Variants in ARHGEF7 observed in about 807,000 individuals in gnomAD.
ARHGEF7 encodes Rho guanine nucleotide exchange factor 7, also known as PAK-interacting exchange factor beta.
A neutral mutation model predicts 109.8 loss-of-function variants in ARHGEF7; 33 were observed. The ratio of observed to expected loss-of-function variants is 0.30; its 90% CI spans 0.23 to 0.40. ARHGEF7 has a LOEUF of 0.40. Ranked by LOEUF, ARHGEF7 falls within the 10% of genes least tolerant of loss-of-function variation. The probability of loss-of-function intolerance (pLI) is 1.00; values close to 1 mark genes in which losing one functional copy is unlikely to be tolerated. For synonymous variants in ARHGEF7, 458 were observed against 424.6 expected, an observed-to-expected ratio of 1.08 and a Z score of -0.97; for missense variants, 938 against 1,098.5, an observed-to-expected ratio of 0.85 and a Z score of 2.07.
chr13:111,155,422 T>G (rs377450121), intron 2 of ARHGEF7, among the ~76,000 whole-genome samples: 2 of 152,314 alleles, frequency 1.3e-5, no homozygotes, highest in East Asian at 3.9e-4. Flanking sequence ...CACAAAGAAA[T>G]TTATTGTTGG....
chr13:111,249,525 C>T (rs2089438966), intron 8 of ARHGEF7, among the ~76,000 whole-genome samples: 2 of 151,990 alleles, frequency 1.3e-5, no homozygotes, highest in South Asian at 4.2e-4. Flanking sequence ...CCTCAGTAAG[C>T]CTGCATTTTA....
chr13:111,241,482 G>A, intron 6 of ARHGEF7: 1 of 793,078 alleles, frequency 1.3e-6, no homozygotes, highest in Admixed American at 2.7e-5. Context: ...TGTTTGGTTG[G>A]GAGTAATACA....
intron 19 of ARHGEF7, chr13:111,293,971 G>A: frequency 1.0e-6 from 1 of 985,378 alleles, no homozygotes; most frequent in South Asian, 4.7e-5. Context: ...CAAGCTAATG[G>A]CACAGGAGAC....
intron 5 of ARHGEF7, 42 bp from the exon 6 acceptor site, chr13:111,233,163 T>C: frequency 3.3e-6 from 5 of 1,534,798 alleles, no homozygotes; most frequent in East Asian, 2.2e-5. Context: ...TTTTGTCATC[T>C]TTAGTACTGA....
intron 2 of ARHGEF7, among the ~76,000 whole-genome samples, chr13:111,163,655 C>A (rs915729322): frequency 6.6e-6 from 1 of 152,062 alleles, no homozygotes; most frequent in Admixed American, 6.5e-5. Context: ...GCCCCCACCC[C>A]ACCAAGTACC....
intron 8 of ARHGEF7, among the ~76,000 whole-genome samples, chr13:111,263,552 A>G (rs578215521): frequency 1.3e-5 from 2 of 152,340 alleles, no homozygotes; most frequent in Admixed American, 6.5e-5. Context: ...TATTTCTGCA[A>G]TCCTAAGAAT....
chr13:111,276,683 A>G (rs186037136), intron 12 of ARHGEF7, among the ~76,000 whole-genome samples: 256 of 152,300 alleles, frequency 1.7e-3, no homozygotes, highest in Admixed American at 4.4e-3. Context: ...AATGTTCCCA[A>G]TGTATGTTGT....
chr13:111,260,423 A>T (rs1369073901), intron 8 of ARHGEF7, among the ~76,000 whole-genome samples: 1 of 152,254 alleles, frequency 6.6e-6, no homozygotes, highest in Non-Finnish European at 1.5e-5. Flanking sequence ...CAGACTTCTC[A>T]GTGGAAAGCT....
chr13:111,176,209 G>A (rs1594313864), intron 2 of ARHGEF7, among the ~76,000 whole-genome samples: 1 of 152,216 alleles, frequency 6.6e-6, no homozygotes, highest in Non-Finnish European at 1.5e-5. Flanking sequence ...GTGGATTTTA[G>A]TCTAATGATG....
At chr13:111,183,339 G>A (rs966761994) in intron 2 of ARHGEF7, among the ~76,000 whole-genome samples, 2 of 150,332 alleles carry the variant, frequency 1.3e-5, no homozygotes, top group East Asian at 1.9e-4. Flanking sequence ...GGGAGTATTG[G>A]CACCTTTTTT....
chr13:111,302,502 A>G (rs2093591840), intron 21 of ARHGEF7, among the ~76,000 whole-genome samples: 1 of 152,050 alleles, frequency 6.6e-6, no homozygotes, highest in Admixed American at 6.5e-5. Context: ...TTCCATGTTC[A>G]CGCTTTGCCC....
intron 4 of ARHGEF7, among the ~76,000 whole-genome samples, chr13:111,214,259 A>G (rs963799456): frequency 6.6e-6 from 1 of 152,222 alleles, no homozygotes; most frequent in Non-Finnish European, 1.5e-5. Context: ...CCTCTTGATC[A>G]TACCTCATCT....
intron 8 of ARHGEF7, among the ~76,000 whole-genome samples, chr13:111,250,288 G>A (rs947330753): frequency 1.3e-5 from 2 of 152,238 alleles, no homozygotes; most frequent in Admixed American, 6.5e-5. Flanking sequence ...TGCCCAGTTT[G>A]CCTAGAGCAG....
At position 111,280,543 on chromosome 13, in the gene ARHGEF7, A is replaced by C. The variant is rs750377359; in HGVS notation, c.1591A>C (p.Met531Leu). The C allele has an allele frequency of 6.2e-7, 1 of 1,604,812 alleles. No individual in the cohort carries two copies. Among genetic ancestry groups the C allele is most frequent in the Non-Finnish European group, 8.5e-7 (1 of 1,176,280 alleles). ...TTTTTCCTTCTCTCCTATAGGGAGCATGATTGAGCGGATATTAGTGTCGTG... is the reference window on the plus strand; with the variant it reads ...TTTTTCCTTCTCTCCTATAGGGAGCCTGATTGAGCGGATATTAGTGTCGTG... ...HRNAFEISGS[M>L]IERILVSCNN... is the part of the protein sequence containing the mutation. The change falls in exon 15 of 22, where the codon ATG (methionine) becomes CTG (leucine). Residue 531 changes from methionine to leucine, a missense_variant. Physicochemically the swap from Met to Leu is conservative, Grantham distance 15. This residue lies in a region of ARHGEF7 where 585 missense variants were observed against 723.6 expected (regional missense o/e 0.81). Coordinates refer to ENST00000646102, the MANE Select transcript of ARHGEF7 (RefSeq NM_001354046.2).
At chr13:111,301,433 A>G (rs1478005990) in intron 20 of ARHGEF7, 45 bp from the exon 21 acceptor site, 4 of 1,568,854 alleles carry the variant, frequency 2.5e-6, no homozygotes, top group Non-Finnish European at 3.5e-6. Context: ...TGTCCTCTCC[A>G]TGCCTCACCT....
intron 4 of ARHGEF7, among the ~76,000 whole-genome samples, chr13:111,216,142 A>G (rs990660763): frequency 2.0e-5 from 3 of 152,084 alleles, no homozygotes; most frequent in African/African-American, 7.2e-5. Flanking sequence ...TCTTCTGTCA[A>G]ATTTGGGATA....
intron 8 of ARHGEF7, among the ~76,000 whole-genome samples, chr13:111,246,163 G>A (rs528505774): frequency 2.0e-5 from 3 of 152,216 alleles, no homozygotes; most frequent in Non-Finnish European, 4.4e-5. Flanking sequence ...ACTTAGAACA[G>A]TAGTGCACAT....
Position 111,272,904 on chromosome 13 carries a change from C to G in ARHGEF7, c.1074-910C>G, listed in dbSNP as rs1160765744. On this transcript the variant is annotated intron_variant, in intron 9 of 21. Coordinates refer to ENST00000646102, the MANE Select transcript of ARHGEF7 (RefSeq NM_001354046.2). The surrounding 1 kb of genome is among the most constrained non-coding windows in gnomAD (Gnocchi z 5.2). ...CGTGTGGGTGAAGAGCTGGACCCCCCACAGAAGCCTGCCCGTGTCCTCTGC... is the reference window on the plus strand; with the variant it reads ...CGTGTGGGTGAAGAGCTGGACCCCCGACAGAAGCCTGCCCGTGTCCTCTGC... 1.3e-5 allele frequency among the ~76,000 whole-genome samples: 2 copies of G among 152,150 alleles called. No homozygotes were observed. The highest frequency in any genetic ancestry group is 2.9e-5 in the Non-Finnish European group (2 of 68,030).
chr13:111,228,305 T>TA lies in ARHGEF7; in HGVS notation c.671-4899dup, dbSNP rs756489728. Among the ~76,000 whole-genome samples the TA allele has an allele frequency of 9.2e-5, 14 of 152,216 alleles. No homozygotes were observed. Among genetic ancestry groups the TA allele is most frequent in the Non-Finnish European group, 4.4e-5 (3 of 68,030 alleles). ...ATCTGAATATAGACTAGGCATTAGA[T>TA]ACTATTTAAAAATTATTAATATCGT... On this transcript the variant is annotated intron_variant, in intron 5 of 21. Transcript: ENST00000646102. The surrounding 1 kb of genome is among the most constrained non-coding windows in gnomAD (Gnocchi z 4.6).
Sources: gnomAD v4.1 joint callset for allele counts (sites outside exome capture counted in the v4.1 genomes callset) on GRCh38, gnomAD v4.1.1 for gene constraint, gnomAD v4.1.1 regional missense constraint, Gnocchi (gnomAD v3.1) non-coding constraint, MANE v1.5 for transcripts, NCBI Gene and HGNC (gene_info 2026-07-23, HGNC 2026-07-21) for gene names.